Variants in HDX observed in about 807,000 individuals in gnomAD.
The protein encoded by HDX is highly divergent homeobox.
Under a neutral mutation model 45.2 loss-of-function variants are expected in HDX, and 19 were observed. The ratio of observed to expected loss-of-function variants is 0.42; its 90% CI spans 0.29 to 0.62. The LOEUF is 0.62. Ranked by LOEUF, HDX falls within the 20% of genes least tolerant of loss-of-function variation. The pLI is 0.20. For synonymous variants in HDX, 188 were observed against 172.8 expected, an observed-to-expected ratio of 1.09 and a Z score of -0.69; for missense variants, 532 against 493.9, an observed-to-expected ratio of 1.08 and a Z score of -0.73.
At chrX:84,414,202 A>C (rs764648181) in intron 5 of HDX, among the ~76,000 whole-genome samples, 1 of 111,798 alleles carries the variant, frequency 8.9e-6, no homozygotes, top group Non-Finnish European at 1.9e-5. Flanking sequence ...ATCACCTGAG[A>C]TATTTATTAA....
At chrX:84,495,762 G>A (rs1271090391) in intron 1 of HDX, among the ~76,000 whole-genome samples, 1 of 111,347 alleles carries the variant, frequency 9.0e-6, no homozygotes, top group East Asian at 2.8e-4. Flanking sequence ...TTTTGTTTTT[G>A]GGGGTAGCCT....
chrX:84,356,610 A>G (rs899111352), intron 6 of HDX, among the ~76,000 whole-genome samples: 89 of 86,057 alleles, frequency 1.0e-3, no homozygotes, highest in African/African-American at 3.7e-3. Context: ...AATCCTGTGG[A>G]TATCTTTTTT....
At chrX:84,406,169 A>T (rs374168989) in intron 5 of HDX, among the ~76,000 whole-genome samples, 10 of 111,022 alleles carry the variant, frequency 9.0e-5, no homozygotes, top group African/African-American at 3.3e-4. Context: ...CCAGAATATG[A>T]CACATGATTT....
At chrX:84,440,466 CA>C in intron 5 of HDX, 65 bp downstream of exon 5, 2 of 767,047 alleles carry the variant, frequency 2.6e-6, no homozygotes. Context: ...GCAATTTTCT[CA>C]ATGGCATTTT....
rs190327218 is a variant in HDX, at chrX:84,318,228, A to T, written c.*3661T>A. The stretch of plus-strand genomic sequence containing the variant: ...ACAAGTTAGTAGCCTCCTTGATTAT[A>T]GCATTACAGAGCATAGCTTGGTGAA... On this transcript the variant is annotated 3_prime_UTR_variant, in exon 11 of 11. Coordinates refer to ENST00000373177, the MANE Select transcript of HDX (RefSeq NM_001177479.2). 4 of 110,501 alleles carry T rather than the reference A, an allele frequency of 3.6e-5. No homozygotes were observed. The highest frequency in any genetic ancestry group is 7.6e-5 in the Non-Finnish European group (4 of 52,363). The allele number at this position is 110,501 out of a possible 1,213,427, so 9.1% of individuals were successfully genotyped here.
intron 6 of HDX, among the ~76,000 whole-genome samples, chrX:84,361,071 A>G (rs937611638): frequency 2.7e-5 from 3 of 110,512 alleles, no homozygotes; most frequent in African/African-American, 9.9e-5. Context: ...CCTGGCCAAA[A>G]CTCATTATTA....
At chrX:84,330,158 C>G (rs942213559) in intron 9 of HDX, among the ~76,000 whole-genome samples, 1 of 110,517 alleles carries the variant, frequency 9.0e-6, no homozygotes, top group African/African-American at 3.3e-5. Context: ...GCATTTTGTA[C>G]CCTATAAATA....
intron 5 of HDX, among the ~76,000 whole-genome samples, chrX:84,366,677 C>T (rs1168994448): frequency 3.6e-5 from 4 of 110,657 alleles, no homozygotes; most frequent in African/African-American, 1.3e-4. Flanking sequence ...GAAATAACAC[C>T]ACACATCTAC....
intron 5 of HDX, among the ~76,000 whole-genome samples, chrX:84,375,209 C>G (rs1406040503): frequency 9.2e-6 from 1 of 108,855 alleles, no homozygotes; most frequent in Non-Finnish European, 1.9e-5. Context: ...CATCTCACAC[C>G]AGTTAGAATG....
chrX:84,364,756 C>T (rs190824107), intron 5 of HDX, among the ~76,000 whole-genome samples: 44 of 110,145 alleles, frequency 4.0e-4, no homozygotes, highest in Non-Finnish European at 7.8e-4. Flanking sequence ...AGCAAACTCC[C>T]CATTTCCCTC....
intron 5 of HDX, among the ~76,000 whole-genome samples, chrX:84,425,722 T>G (rs1378831123): frequency 1.8e-5 from 2 of 111,390 alleles, no homozygotes. Context: ...TAACATCACA[T>G]GTTTTCACTT....
Position 84,319,004 on chromosome X carries a change from C to T in HDX, c.*2885G>A, listed in dbSNP as rs2036549977. 9.2e-6 allele frequency: 1 copy of T among 109,266 alleles called. No individual in the cohort carries two copies. Among genetic ancestry groups the T allele is most frequent in the Non-Finnish European group, 1.9e-5 (1 of 51,838 alleles). 9.0% of individuals were successfully genotyped at this position (109,266 alleles called of 1,213,427 possible). A position where few individuals can be genotyped will look rare whatever the true frequency, so the allele number is the denominator to read the frequency against. On this transcript the variant is annotated 3_prime_UTR_variant, in exon 11 of 11. Transcript: ENST00000373177. ...TGGCTGAAAAGAAGAAAATACCTTC[C>T]TTTTTTTTTCATATGTACACATTTT...
chrX:84,489,437 G>T lies in HDX; in HGVS notation c.-109-1305C>A, dbSNP rs771079597. ...ATTCTTAACAACACAGAGCAAGCGG[G>T]GTTTTGGTTGGGAGAAGGAAAGAGT... On this transcript the variant is annotated intron_variant, in intron 1 of 10. Coordinates refer to ENST00000373177, the MANE Select transcript of HDX (RefSeq NM_001177479.2). 4.5e-5 allele frequency among the ~76,000 whole-genome samples: 5 copies of T among 111,693 alleles called. No individual in the cohort carries two copies. In the Admixed American group the frequency reaches 4.8e-4, roughly 11 times the overall value.
intron 6 of HDX, among the ~76,000 whole-genome samples, chrX:84,353,260 T>G (rs1422323359): frequency 8.9e-6 from 1 of 111,736 alleles, no homozygotes; most frequent in Non-Finnish European, 1.9e-5. Context: ...TCCTGGAGTC[T>G]GCTCTGGCCT....
At chrX:84,326,803 T>C (rs773644937) in intron 9 of HDX, among the ~76,000 whole-genome samples, 6 of 109,823 alleles carry the variant, frequency 5.5e-5, no homozygotes, top group Non-Finnish European at 1.1e-4. Flanking sequence ...TCCAAGCTAC[T>C]TGGGAGGCTG....
intron 5 of HDX, among the ~76,000 whole-genome samples, chrX:84,370,371 C>T (rs1004227708): frequency 1.8e-5 from 2 of 111,858 alleles, no homozygotes; most frequent in Non-Finnish European, 3.8e-5. Context: ...TAGTGGGAGA[C>T]AATTCTTTAT....
chrX:84,384,506 T>C (rs2147913501), intron 5 of HDX, among the ~76,000 whole-genome samples: 1 of 108,375 alleles, frequency 9.2e-6, no homozygotes, highest in African/African-American at 3.3e-5. Context: ...AACTTCACTG[T>C]GTAGAATCTA....
intron 5 of HDX, among the ~76,000 whole-genome samples, chrX:84,436,263 C>A (rs1256507148): frequency 1.4e-5 from 1 of 69,442 alleles, no homozygotes; most frequent in Non-Finnish European, 2.5e-5. Flanking sequence ...GAATGTCACA[C>A]TCTGGGGACT....
chrX:84,423,158 T>A (rs1160366511), intron 5 of HDX, among the ~76,000 whole-genome samples: 1 of 110,455 alleles, frequency 9.1e-6, no homozygotes, highest in African/African-American at 3.3e-5. Flanking sequence ...AATGATCAAA[T>A]TCCTAGAAAC....
Sources: gnomAD v4.1 joint callset for allele counts (sites outside exome capture counted in the v4.1 genomes callset) on GRCh38, gnomAD v4.1.1 for gene constraint, MANE v1.5 for transcripts, NCBI Gene and HGNC (gene_info 2026-07-23, HGNC 2026-07-21) for gene names.